Variants in FRMPD4 observed in about 807,000 individuals in gnomAD.
FRMPD4 encodes the protein FERM and PDZ domain-containing protein 4.
FRMPD4 carries 22 observed loss-of-function variants against 94.1 expected under a neutral mutation model. The observed-to-expected ratio is 0.23, with a 90% CI of 0.17 to 0.33. The LOEUF is 0.33. FRMPD4 is among the 10% of genes least tolerant of loss of function. FRMPD4 has a pLI of 1.00. For missense variants in FRMPD4, 1,111 were observed against 1,339.9 expected (o/e 0.83, Z 2.67); for synonymous variants, 631 against 548.6 (o/e 1.15, Z -2.10).
At chrX:12,124,084 A>G (rs1227682435) in intron 3 of FRMPD4, among the ~76,000 whole-genome samples, 2 of 110,915 alleles carry the variant, frequency 1.8e-5, no homozygotes. Context: ...GACTTTACAC[A>G]TACTAATCTC....
chrX:12,255,619 TTC>T (rs1428498922), intron 1 of FRMPD4, among the ~76,000 whole-genome samples: 1 of 112,344 alleles, frequency 8.9e-6, no homozygotes, highest in African/African-American at 3.2e-5. Context: ...ATTATTCTAC[TTC>T]TGTTTGTTTT....
At chrX:12,011,181 G>T (rs1040982110) in intron 3 of FRMPD4, among the ~76,000 whole-genome samples, 1 of 112,128 alleles carries the variant, frequency 8.9e-6, no homozygotes, top group Non-Finnish European at 1.9e-5. Context: ...ATCATTTTAG[G>T]TATTTCTAAG....
intron 3 of FRMPD4, among the ~76,000 whole-genome samples, chrX:11,955,095 G>C (rs1041389482): frequency 5.4e-5 from 6 of 111,282 alleles, no homozygotes; most frequent in Non-Finnish European, 9.4e-5. Context: ...CATTCTCACT[G>C]TGTCCTCCAC....
chrX:12,517,845 C>G (rs772044818), intron 2 of FRMPD4, among the ~76,000 whole-genome samples: 1 of 113,088 alleles, frequency 8.8e-6, no homozygotes, highest in South Asian at 3.6e-4. Flanking sequence ...GTGGCCTCCC[C>G]TCCCCCAAGG....
At chrX:12,401,368 A>G (rs1057090751) in intron 1 of FRMPD4, among the ~76,000 whole-genome samples, 4 of 106,103 alleles carry the variant, frequency 3.8e-5, no homozygotes, top group Non-Finnish European at 7.7e-5. Context: ...CCCCTCTCTC[A>G]TAGTTGGAGA....
At chrX:12,165,456 T>C (rs1196223942) in intron 1 of FRMPD4, among the ~76,000 whole-genome samples, 2 of 111,843 alleles carry the variant, frequency 1.8e-5, no homozygotes, top group African/African-American at 6.5e-5. Flanking sequence ...ACTGTAGCCT[T>C]GTAGTATAGT....
chrX:12,345,721 C>A (rs1342487014), intron 1 of FRMPD4, among the ~76,000 whole-genome samples: 1 of 112,143 alleles, frequency 8.9e-6, no homozygotes, highest in Admixed American at 9.4e-5. Flanking sequence ...CAATGTAGTT[C>A]AGTCCTGTTA....
At chrX:12,109,646 G>T (rs1387735215) in intron 3 of FRMPD4, among the ~76,000 whole-genome samples, 1 of 111,394 alleles carries the variant, frequency 9.0e-6, no homozygotes, top group Admixed American at 9.5e-5. Context: ...CTGGTTTTTT[G>T]AAAAGATCAA....
rs137864596 is a variant in FRMPD4 at position 12,403,864 on chromosome X, C to T, written c.42-94816C>T. Among the ~76,000 whole-genome samples, 527 of 111,469 alleles carry T rather than the reference C, an allele frequency of 4.7e-3. 3 individuals are homozygous for T. The highest frequency in any genetic ancestry group is 0.017 in the African/African-American group (511 of 30,671). ...CCCTCAGTTGGTTCATGACTTTGGC[C>T]CATTCTTGGCTGTGTTTCCCTGCTG... On this transcript the variant is annotated intron_variant, in intron 1 of 16. Coordinates refer to ENST00000675598, the MANE Select transcript of FRMPD4 (RefSeq NM_001368397.1).
intron 2 of FRMPD4, among the ~76,000 whole-genome samples, chrX:12,526,610 A>G (rs897809341): frequency 3.6e-5 from 4 of 111,699 alleles, no homozygotes; most frequent in Non-Finnish European, 7.5e-5. Flanking sequence ...GCCAACCTTT[A>G]TAACACATTC....
At chrX:11,857,772 A>G (rs1176600670) in intron 1 of FRMPD4, among the ~76,000 whole-genome samples, 2 of 112,604 alleles carry the variant, frequency 1.8e-5, no homozygotes, top group Non-Finnish European at 3.8e-5. Context: ...CAAACAGACA[A>G]CCTATAGAAT....
chrX:12,396,024 G>C (rs2056538479), intron 1 of FRMPD4: 1 of 145,446 alleles, frequency 6.9e-6, no homozygotes, highest in African/African-American at 3.1e-5. Flanking sequence ...ACCTTTTTTA[G>C]GCCAGCTTGG....
intron 2 of FRMPD4, among the ~76,000 whole-genome samples, chrX:12,589,878 C>G (rs1277783816): frequency 8.9e-6 from 1 of 111,935 alleles, no homozygotes; most frequent in South Asian, 3.7e-4. Flanking sequence ...CGCAAAGCTC[C>G]GTAGCAGAAA....
At chrX:12,535,871 T>C (rs1248754731) in intron 2 of FRMPD4, among the ~76,000 whole-genome samples, 3 of 110,850 alleles carry the variant, frequency 2.7e-5, no homozygotes, top group South Asian at 3.8e-4. Flanking sequence ...ACTTGGAGTA[T>C]AGCTGTGAGG....
intron 1 of FRMPD4, among the ~76,000 whole-genome samples, chrX:12,489,815 A>G (rs1183604009): frequency 8.9e-6 from 1 of 112,167 alleles, no homozygotes; most frequent in African/African-American, 3.2e-5. Context: ...ATTTCCCAGC[A>G]TGAACTCCTA....
chrX:12,215,447 A>T (rs988801650), intron 1 of FRMPD4, among the ~76,000 whole-genome samples: 1 of 111,353 alleles, frequency 9.0e-6, no homozygotes, highest in Non-Finnish European at 1.9e-5. Flanking sequence ...TTCTTCCATC[A>T]TAACTGTCTT....
intron 16 of FRMPD4, 92 bp downstream of exon 16, chrX:12,718,882 A>G: frequency 1.8e-6 from 1 of 564,010 alleles, no homozygotes; most frequent in South Asian, 3.1e-5. Flanking sequence ...TGTCTGGAAG[A>G]AAAGTAAAAG....
chrX:12,387,173 T>C (rs148645167), intron 1 of FRMPD4, among the ~76,000 whole-genome samples: 223 of 112,305 alleles, frequency 2.0e-3, no homozygotes, highest in African/African-American at 6.8e-3. Flanking sequence ...GATGAATGTC[T>C]AATGTTTAAT....
intron 1 of FRMPD4, among the ~76,000 whole-genome samples, chrX:12,159,374 G>GA (rs1325185282): frequency 8.9e-6 from 1 of 112,045 alleles, no homozygotes; most frequent in African/African-American, 3.2e-5. Context: ...GTGAATAAGA[G>GA]AAACTGGTCT....
Sources: gnomAD v4.1 joint callset for allele counts (sites outside exome capture counted in the v4.1 genomes callset) on GRCh38, gnomAD v4.1.1 for gene constraint, MANE v1.5 for transcripts, NCBI Gene and HGNC (gene_info 2026-07-23, HGNC 2026-07-21) for gene names.